Variants in FBXL19 observed in about 807,000 individuals in gnomAD.
FBXL19 encodes the protein F-box/LRR-repeat protein 19.
FBXL19 carries 16 observed loss-of-function variants against 71.2 expected under a neutral mutation model. That is an observed-to-expected ratio of 0.22 (90% CI 0.15 to 0.34). The LOEUF is 0.34. Ranked by LOEUF, FBXL19 falls within the 10% of genes least tolerant of loss-of-function variation. FBXL19 has a pLI of 1.00. For missense variants in FBXL19, 658 were observed against 968.2 expected (o/e 0.68, Z 4.25); for synonymous variants, 447 against 409.4 (o/e 1.09, Z -1.11).
At chr16:30,933,250 G>C (rs1362489223) in intron 7 of FBXL19, among the ~76,000 whole-genome samples, 2 of 151,916 alleles carry the variant, frequency 1.3e-5, no homozygotes, top group Non-Finnish European at 2.9e-5. Flanking sequence ...TGATTCGCCT[G>C]CCTCAGCCTC....
chr16:30,928,460 C>T lies in FBXL19; in HGVS notation c.628-7C>T. 6.4e-7 allele frequency: 1 copy of T among 1,566,818 alleles called. No individual in the cohort carries two copies. Among genetic ancestry groups the T allele is most frequent in the South Asian group, 1.2e-5 (1 of 85,582 alleles). On this transcript the variant is annotated splice_region_variant and splice_polypyrimidine_tract_variant and intron_variant, in intron 5 of 10. Coordinates refer to ENST00000338343, the MANE Select transcript of FBXL19 (RefSeq NM_001382779.1). Reference sequence around the variant, plus strand: ...CCTTCCTCCATATCTCCCTCTCACCCTGGTAGGTGAAAGGAGGCCGAGAGA... The same window carrying T: ...CCTTCCTCCATATCTCCCTCTCACCTTGGTAGGTGAAAGGAGGCCGAGAGA...
rs533022791 is a variant in FBXL19, at chr16:30,946,870, G to A, written c.1768G>A (p.Val590Ile). 3.7e-6 allele frequency: 6 copies of A among 1,611,502 alleles called. No homozygotes were observed. The highest frequency in any genetic ancestry group is 1.7e-5 in the Admixed American group (1 of 59,828). ...CCTGGACCTGAGCCACTGCGCCCAC[G>A]TCGGGGACCCCAGTGTTCACCTCCT... is the stretch of plus-strand genomic sequence containing the variant. ...SALDLSHCAH[V>I]GDPSVHLLTA... Residue 590 changes from valine to isoleucine, a missense_variant, in exon 10 of 11, where the codon GTC becomes ATC. Coordinates refer to ENST00000338343, the MANE Select transcript of FBXL19 (RefSeq NM_001382779.1). This position sits in a 1 kb window ranked among gnomAD's most constrained non-coding sequence, Gnocchi z 6.7.
chr16:30,934,540 T>C (rs34873012), intron 7 of FBXL19, among the ~76,000 whole-genome samples: 81,198 of 151,740 alleles, frequency 0.54, 24,093 homozygotes, highest in East Asian at 0.91. Flanking sequence ...CGCCTGTAAT[T>C]CCAGCTACTC....
At position 30,925,238 on chromosome 16, in the gene FBXL19, G is replaced by C. The variant is rs540375924; in HGVS notation, c.-24-493G>C. On this transcript the variant is annotated intron_variant, in intron 1 of 10. Transcript: ENST00000338343. This position sits in a 1 kb window ranked among gnomAD's most constrained non-coding sequence, Gnocchi z 5.0. ...GTGGATGAAAAGGTTGGTGGGGCGG[G>C]GGGGAGGAAAAGTCCGGAGCTTCCG... 2.0e-5 allele frequency among the ~76,000 whole-genome samples: 3 copies of C among 152,186 alleles called. No individual in the cohort carries two copies. Among genetic ancestry groups the C allele is most frequent in the South Asian group, 2.1e-4 (1 of 4,818 alleles).
intron 6 of FBXL19, among the ~76,000 whole-genome samples, chr16:30,928,860 C>T (rs1178079722): frequency 6.6e-6 from 1 of 152,222 alleles, no homozygotes; most frequent in Admixed American, 6.5e-5. Flanking sequence ...CTTGCCTCAT[C>T]TTTCCAAGCC....
Position 30,946,196 on chromosome 16 carries a change from CTTTTA to C in FBXL19, c.1628-530_1628-526del. Among the ~76,000 whole-genome samples the C allele has an allele frequency of 6.6e-6, 1 of 151,978 alleles. No individual in the cohort carries two copies. The highest frequency in any genetic ancestry group is 2.1e-4 in the South Asian group (1 of 4,792). On this transcript the variant is annotated intron_variant, in intron 9 of 10. Transcript: ENST00000338343. This position sits in a 1 kb window ranked among gnomAD's most constrained non-coding sequence, Gnocchi z 6.7. Reference sequence around the variant, plus strand: ...GAGAGAGGAGGGGAGGTCACAGACTCTTTTATTTATTTATTTATTTATTTTGAGAT... The same window carrying C: ...GAGAGAGGAGGGGAGGTCACAGACTCTTTATTTATTTATTTATTTTGAGAT...
At chr16:30,924,551 C>A in intron 1 of FBXL19, 92 bp downstream of exon 1, 2 of 1,308,788 alleles carry the variant, frequency 1.5e-6, no homozygotes, top group Non-Finnish European at 9.7e-7. Flanking sequence ...TTCCCCGCCC[C>A]CAGCCTCACC....
intron 7 of FBXL19, among the ~76,000 whole-genome samples, chr16:30,933,348 A>T (rs558693788): frequency 2.6e-5 from 4 of 152,014 alleles, no homozygotes; most frequent in African/African-American, 7.3e-5. Flanking sequence ...CATATTGGTC[A>T]GGCTGGTCTC....
intron 7 of FBXL19, among the ~76,000 whole-genome samples, chr16:30,940,454 C>T (rs998863955): frequency 6.6e-6 from 1 of 151,710 alleles, no homozygotes; most frequent in Non-Finnish European, 1.5e-5. Flanking sequence ...GGGCCTGCTG[C>T]TTCTGACACA....
chr16:30,923,319 G>A (rs1457658465), upstream of FBXL19: 3 of 419,720 alleles, frequency 7.1e-6, no homozygotes, highest in African/African-American at 6.1e-5. Flanking sequence ...CGGCATCCTC[G>A]GCTCCCGGCT....
chr16:30,932,736 C>T (rs2055688728), intron 7 of FBXL19, among the ~76,000 whole-genome samples: 1 of 151,976 alleles, frequency 6.6e-6, no homozygotes, highest in Non-Finnish European at 1.5e-5. Context: ...GGACACGAGC[C>T]GGGCAGAGCA....
At position 30,925,116 on chromosome 16, in the gene FBXL19, A is replaced by G. The variant is rs1001101368; in HGVS notation, c.-24-615A>G. On this transcript the variant is annotated intron_variant, in intron 1 of 10. Coordinates refer to ENST00000338343, the MANE Select transcript of FBXL19 (RefSeq NM_001382779.1). The surrounding 1 kb of genome is among the most constrained non-coding windows in gnomAD (Gnocchi z 5.0). ...AGGGCTGTCAGAGCTCTGGGGAGTT[A>G]GTGGGCAGAGGAGATCGTTAGGGAC... 2.6e-5 allele frequency among the ~76,000 whole-genome samples: 4 copies of G among 151,780 alleles called. No individual in the cohort carries two copies. Among genetic ancestry groups the G allele is most frequent in the African/African-American group, 9.7e-5 (4 of 41,356 alleles).
Position 30,939,191 on chromosome 16 carries a change from C to T in FBXL19, c.1302-2925C>T, listed in dbSNP as rs550718747. Among the ~76,000 whole-genome samples the T allele has an allele frequency of 6.6e-5, 10 of 151,020 alleles. 1 individual carries two copies. In the South Asian group the frequency reaches 2.1e-3, roughly 32 times the overall value. ...GGTTCATGCCATTCTCCTGCCTTAG[C>T]CTCCCAAGTAGCTGGGACTACAGGT... On this transcript the variant is annotated intron_variant, in intron 7 of 10. Transcript: ENST00000338343.
chr16:30,944,326 A>G (rs1311813627), intron 9 of FBXL19, among the ~76,000 whole-genome samples: 2 of 151,644 alleles, frequency 1.3e-5, no homozygotes, highest in Non-Finnish European at 2.9e-5. Flanking sequence ...TCTATTTACC[A>G]TTAGTTATTT....
Position 30,930,645 on chromosome 16 carries a change from C to T in FBXL19, c.1301+61C>T, listed in dbSNP as rs2055662765. 2 of 1,400,042 alleles carry T rather than the reference C, an allele frequency of 1.4e-6. No homozygotes were observed. Among genetic ancestry groups the T allele is most frequent in the Non-Finnish European group, 1.8e-6 (2 of 1,083,100 alleles). The allele number at this position is 1,400,042 out of a possible 1,614,324, so 86.7% of individuals were successfully genotyped here. A position where few individuals can be genotyped will look rare whatever the true frequency, so the allele number is the denominator to read the frequency against. On this transcript the variant is annotated intron_variant, in intron 7 of 10. Transcript: ENST00000338343. The surrounding 1 kb of genome is among the most constrained non-coding windows in gnomAD (Gnocchi z 8.5). ...GCAGGCTTCCCGCTTGCTGGGTGAC[C>T]TGCGGTAGGTCTCTGGCCCTCTCTG...
chr16:30,929,536 A>C (rs1488233387), intron 6 of FBXL19, among the ~76,000 whole-genome samples: 3 of 152,050 alleles, frequency 2.0e-5, no homozygotes, highest in Non-Finnish European at 4.4e-5. Flanking sequence ...AGCCATGCAA[A>C]CCCATAAGGG....
chr16:30,941,843 C>T (rs1351711870), intron 7 of FBXL19, among the ~76,000 whole-genome samples: 1 of 152,234 alleles, frequency 6.6e-6, no homozygotes, highest in Non-Finnish European at 1.5e-5. Flanking sequence ...GCCCTGTGGG[C>T]AGGCAGAGTG....
chr16:30,948,564 C>CTCAG lies in FBXL19; in HGVS notation c.*1335_*1338dup, dbSNP rs2055894206. On this transcript the variant is annotated 3_prime_UTR_variant, in exon 11 of 11. Transcript: ENST00000338343. ...GGGGAGGGGAGATCTATCCACATAC[C>CTCAG]TCAGGTAACAGGGAGGTGCGCGGGT... is the stretch of plus-strand genomic sequence containing the variant. 6.7e-6 allele frequency: 1 copy of CTCAG among 149,094 alleles called. No individual in the cohort carries two copies. The allele number at this position is 149,094 out of a possible 1,614,324, so 9.2% of individuals were successfully genotyped here.
chr16:30,924,570 A>C, intron 1 of FBXL19, 111 bp downstream of exon 1: 2 of 1,333,908 alleles, frequency 1.5e-6, no homozygotes, highest in Non-Finnish European at 1.9e-6. Flanking sequence ...CCCTCTCTCT[A>C]CTCCAAACTC....
Sources: gnomAD v4.1 joint callset for allele counts (sites outside exome capture counted in the v4.1 genomes callset) on GRCh38, gnomAD v4.1.1 for gene constraint, Gnocchi (gnomAD v3.1) non-coding constraint, MANE v1.5 for transcripts, NCBI Gene and HGNC (gene_info 2026-07-23, HGNC 2026-07-21) for gene names.